ANLN: variants seen among roughly 807,000 people sequenced by gnomAD.
ANLN encodes the protein anillin, actin binding protein.
ANLN carries 59 observed loss-of-function variants against 135.1 expected under a neutral mutation model. That is an observed-to-expected ratio of 0.44 (90% CI 0.35 to 0.54). The LOEUF (loss-of-function observed/expected upper bound fraction) is 0.54. Among genes scored for constraint, ANLN ranks in the 20% least tolerant of loss-of-function variants. The pLI is 0.00. For synonymous variants in ANLN, 406 were observed against 456.4 expected, an observed-to-expected ratio of 0.89 and a Z score of 1.41; for missense variants, 1,182 against 1,340.0, an observed-to-expected ratio of 0.88 and a Z score of 1.84.
At chr7:36,427,144 G>T in intron 20 of ANLN, 116 bp downstream of exon 20, 6 of 596,358 alleles carry the variant, frequency 1.0e-5, no homozygotes, top group Admixed American at 3.7e-5. Flanking sequence ...GAAAACATAT[G>T]TTCTTAGAAT....
At chr7:36,405,833 C>T (rs982175352) in intron 3 of ANLN, among the ~76,000 whole-genome samples, 11 of 152,114 alleles carry the variant, frequency 7.2e-5, no homozygotes, top group Non-Finnish European at 1.6e-4. Flanking sequence ...TGGTCTAATC[C>T]ATTTTTAAAA....
chr7:36,398,754 T>C (rs1786810611), intron 2 of ANLN, among the ~76,000 whole-genome samples: 1 of 152,012 alleles, frequency 6.6e-6, no homozygotes, highest in Non-Finnish European at 1.5e-5. Context: ...TAGTCTTTTA[T>C]CCCTCGCCCC....
Position 36,396,485 on chromosome 7 carries a change from A to C in ANLN, c.172+66A>C. The C allele has an allele frequency of 5.5e-6, 8 of 1,466,888 alleles. No homozygotes were observed. In the South Asian group the frequency reaches 1.0e-4, roughly 18 times the overall value. 90.9% of individuals were successfully genotyped at this position (1,466,888 alleles called of 1,614,324 possible). Reference sequence around the variant, plus strand: ...TTCTTTTGAAGGAGACAAGCCCCAAACATTTCATTAGCATATAGAAGAACC... The same window carrying C: ...TTCTTTTGAAGGAGACAAGCCCCAACCATTTCATTAGCATATAGAAGAACC... On this transcript the variant is annotated intron_variant, in intron 2 of 23. Transcript: ENST00000265748.
chr7:36,450,574 A>C (rs1055279714), intron 23 of ANLN, among the ~76,000 whole-genome samples: 1 of 152,332 alleles, frequency 6.6e-6, no homozygotes, highest in African/African-American at 2.4e-5. Flanking sequence ...AAAATAGAAC[A>C]AAGTTGCCCA....
At chr7:36,396,522 G>C in intron 2 of ANLN, 103 bp downstream of exon 2, 1 of 1,167,734 alleles carries the variant, frequency 8.6e-7, no homozygotes, top group Non-Finnish European at 1.2e-6. Context: ...AGCTCTTTGG[G>C]AGACAAATGT....
chr7:36,390,124 G>A (rs1334459865), intron 1 of ANLN, 80 bp downstream of exon 1: 2 of 1,602,944 alleles, frequency 1.2e-6, no homozygotes, highest in African/African-American at 2.7e-5. Flanking sequence ...ACCTCTGGGC[G>A]AACCCCCACC....
chr7:36,409,983 T>G (rs568318493), intron 5 of ANLN, among the ~76,000 whole-genome samples: 1 of 152,306 alleles, frequency 6.6e-6, no homozygotes, highest in Admixed American at 6.5e-5. Context: ...AATACTATTT[T>G]AAGACACTGT....
intron 22 of ANLN, among the ~76,000 whole-genome samples, chr7:36,446,270 A>G (rs1788994164): frequency 6.6e-6 from 1 of 152,102 alleles, no homozygotes; most frequent in Admixed American, 6.5e-5. Flanking sequence ...CTAAAGTTAT[A>G]GAGTTTTATA....
intron 20 of ANLN, 129 bp downstream of exon 20, chr7:36,427,157 C>T (rs1450971008): frequency 3.5e-6 from 2 of 567,232 alleles, no homozygotes; most frequent in Non-Finnish European, 6.0e-6. Flanking sequence ...CTTAGAATTG[C>T]ACATTTTTGC....
intron 5 of ANLN, among the ~76,000 whole-genome samples, chr7:36,409,126 C>G (rs1438452003): frequency 1.3e-5 from 2 of 152,178 alleles, no homozygotes; most frequent in Non-Finnish European, 2.9e-5. Context: ...TGGAATAGGA[C>G]TAGTTAGTCC....
rs182665651 is a variant in ANLN at position 36,417,877 on chromosome 7, A to G, written c.1633+687A>G. 1.1e-3 allele frequency among the ~76,000 whole-genome samples: 165 copies of G among 151,934 alleles called. 2 individuals are homozygous for G. The highest frequency in any genetic ancestry group is 3.7e-3 in the African/African-American group (153 of 41,446). On this transcript the variant is annotated intron_variant, in intron 9 of 23. Coordinates refer to ENST00000265748, the MANE Select transcript of ANLN (RefSeq NM_018685.5). The stretch of plus-strand genomic sequence containing the variant: ...TTTTTAGTAGAGAGGGGGTTTCACC[A>G]TATTGGCCAGGCTGGTCTGGAACTC...
At chr7:36,440,326 C>T (rs1268675413) in intron 21 of ANLN, among the ~76,000 whole-genome samples, 1 of 152,112 alleles carries the variant, frequency 6.6e-6, no homozygotes, top group African/African-American at 2.4e-5. Context: ...TAGAAGAGAA[C>T]ATTGAAAGGA....
intron 20 of ANLN, among the ~76,000 whole-genome samples, chr7:36,436,092 C>G (rs1330339807): frequency 6.6e-6 from 1 of 152,020 alleles, no homozygotes; most frequent in Non-Finnish European, 1.5e-5. Flanking sequence ...AGTAAAAAGT[C>G]TTACTCATTA....
In ANLN at chr7:36,406,371, A is replaced by C. The variant is rs1469169775; in HGVS notation, c.678A>C (p.Val226=). 6.2e-7 allele frequency: 1 copy of C among 1,614,164 alleles called. No individual in the cohort carries two copies. The highest frequency in any genetic ancestry group is 8.5e-7 in the Non-Finnish European group (1 of 1,179,972). The change falls in exon 4 of 24, where the codon GTA becomes GTC. Residue 226 remains valine (V), a synonymous_variant. Transcript: ENST00000265748. ...VNHSFAKQNS[V]QEQPGTACLS... is the part of the protein sequence containing the mutation. ...ACTCATTTGCAAAACAAAACAGTGT[A>C]CAAGAACAGCCTGGTACCGCTTGTT...
In ANLN at chr7:36,399,926, A is replaced by G. The variant is rs115534166; in HGVS notation, c.487+533A>G. Among the ~76,000 whole-genome samples, 368 of 152,246 alleles carry G rather than the reference A, an allele frequency of 2.4e-3. 2 individuals carry two copies. Among genetic ancestry groups the G allele is most frequent in the African/African-American group, 8.6e-3 (359 of 41,548 alleles). On this transcript the variant is annotated intron_variant, in intron 3 of 23. Coordinates refer to ENST00000265748, the MANE Select transcript of ANLN (RefSeq NM_018685.5). ...GAAGGGGAACCTGAGAAGTAAAGCA[A>G]CAGTTATGCAACAGGGTTATTTATG...
intron 21 of ANLN, among the ~76,000 whole-genome samples, chr7:36,443,413 T>C (rs1246679937): frequency 6.6e-6 from 1 of 152,236 alleles, no homozygotes; most frequent in Non-Finnish European, 1.5e-5. Context: ...ATGGTAATTT[T>C]GTATTATTAA....
At chr7:36,394,097 G>A (rs1490272193) in intron 1 of ANLN, among the ~76,000 whole-genome samples, 1 of 152,118 alleles carries the variant, frequency 6.6e-6, no homozygotes, top group African/African-American at 2.4e-5. Flanking sequence ...CCAGGTAGCT[G>A]GGACTACAGA....
At chr7:36,437,829 T>TGGCA (rs1181122461) in intron 20 of ANLN, among the ~76,000 whole-genome samples, 3 of 152,188 alleles carry the variant, frequency 2.0e-5, no homozygotes, top group African/African-American at 7.2e-5. Flanking sequence ...TGGAGTGCAA[T>TGGCA]GGCACAATCT....
intron 21 of ANLN, 132 bp from the exon 22 acceptor site, chr7:36,443,623 A>T (rs1788868103): frequency 5.1e-6 from 3 of 588,234 alleles, no homozygotes; most frequent in Non-Finnish European, 6.0e-6. Context: ...AAGACATGAT[A>T]AAAAAACATA....
Sources: gnomAD v4.1 joint callset for allele counts (sites outside exome capture counted in the v4.1 genomes callset) on GRCh38, gnomAD v4.1.1 for gene constraint, MANE v1.5 for transcripts, NCBI Gene and HGNC (gene_info 2026-07-23, HGNC 2026-07-21) for gene names.